Variants in FBXO47 observed in about 807,000 individuals in gnomAD.
FBXO47 encodes F-box protein 47, also known as F-box only protein 47.
FBXO47 carries 34 observed loss-of-function variants against 53.9 expected under a neutral mutation model. The observed-to-expected ratio is 0.63, with a 90% CI of 0.48 to 0.84. The LOEUF is 0.84. FBXO47 is among the 40% of genes least tolerant of loss of function. The probability of loss-of-function intolerance (pLI) is 0.00; values close to 1 mark genes in which losing one functional copy is unlikely to be tolerated. For missense variants in FBXO47, 485 were observed against 541.3 expected, an observed-to-expected ratio of 0.90 and a Z score of 1.03; for synonymous variants, 165 against 181.6, an observed-to-expected ratio of 0.91 and a Z score of 0.73.
chr17:38,939,323 A>AAAAATATAT (rs1555559726), intron 9 of FBXO47, among the ~76,000 whole-genome samples: 6 of 50,166 alleles, frequency 1.2e-4, no homozygotes, highest in Admixed American at 4.4e-4. Context: ...AAAAAAAAAA[A>AAAAATATAT]ATATATATAT....
At chr17:38,958,908 A>G (rs566667761) in intron 3 of FBXO47, among the ~76,000 whole-genome samples, 1 of 152,252 alleles carries the variant, frequency 6.6e-6, no homozygotes, top group South Asian at 2.1e-4. Context: ...TTTTAAGCTG[A>G]GTTCTTTCCC....
chr17:38,937,617 A>G (rs566971493), intron 10 of FBXO47, among the ~76,000 whole-genome samples: 81 of 152,208 alleles, frequency 5.3e-4, no homozygotes, highest in Middle Eastern at 3.4e-3. Context: ...TTATACGTAT[A>G]TAATTTATTT....
intron 5 of FBXO47, among the ~76,000 whole-genome samples, chr17:38,954,025 G>A (rs1171430484): frequency 6.6e-6 from 1 of 152,056 alleles, no homozygotes. Context: ...GGGTGTGGTT[G>A]CTCACGCCTG....
At chr17:38,949,418 TCAAAA>T (rs112640612) in intron 6 of FBXO47, among the ~76,000 whole-genome samples, 10,135 of 151,370 alleles carry the variant, frequency 0.067, 899 homozygotes, top group African/African-American at 0.2. Context: ...AGACCCTGTC[TCAAAA>T]CAAAACAAAA....
intron 9 of FBXO47, among the ~76,000 whole-genome samples, chr17:38,940,802 A>G (rs1406454257): frequency 1.3e-5 from 2 of 151,608 alleles, no homozygotes; most frequent in Non-Finnish European, 2.9e-5. Flanking sequence ...CAGCCTTCTG[A>G]GTAGCAGGGA....
At chr17:38,946,372 A>C (rs1332491914) in intron 6 of FBXO47, among the ~76,000 whole-genome samples, 17 of 89,394 alleles carry the variant, frequency 1.9e-4, no homozygotes, top group Non-Finnish European at 2.3e-4. Flanking sequence ...ATATATAGAT[A>C]TATATATAAA....
At chr17:38,960,965 A>C (rs1158921749) in intron 3 of FBXO47, among the ~76,000 whole-genome samples, 1 of 152,156 alleles carries the variant, frequency 6.6e-6, no homozygotes, top group East Asian at 1.9e-4. Context: ...AGTAGGAAAA[A>C]GTAGTTTCCA....
chr17:38,965,874 A>G (rs1906088380), intron 1 of FBXO47, among the ~76,000 whole-genome samples: 3 of 149,034 alleles, frequency 2.0e-5, no homozygotes, highest in African/African-American at 7.5e-5. Flanking sequence ...CAGAGCAAGA[A>G]TCTGCCTCAA....
At chr17:38,960,510 A>G (rs147801917) in intron 3 of FBXO47, among the ~76,000 whole-genome samples, 359 of 152,266 alleles carry the variant, frequency 2.4e-3, no homozygotes, top group African/African-American at 8.0e-3. Context: ...TAGTTTAAGC[A>G]ATTGAGACTT....
At chr17:38,953,880 T>G (rs907031401) in intron 5 of FBXO47, among the ~76,000 whole-genome samples, 1 of 152,190 alleles carries the variant, frequency 6.6e-6, no homozygotes, top group African/African-American at 2.4e-5. Flanking sequence ...AGAAGACTAG[T>G]AGGAGGGCTT....
At chr17:38,946,422 CTATATAAAT>C (rs1904850223) in intron 6 of FBXO47, among the ~76,000 whole-genome samples, 1 of 32,952 alleles carries the variant, frequency 3.0e-5, no homozygotes. Context: ...ATATATATAA[CTATATAAAT>C]ATATATGAAT....
intron 9 of FBXO47, among the ~76,000 whole-genome samples, chr17:38,942,187 G>T (rs1904540392): frequency 2.0e-5 from 3 of 151,696 alleles, no homozygotes. Context: ...TTTTTAACAT[G>T]GAATTTTTTT....
chr17:38,946,244 A>G (rs1180000559), intron 6 of FBXO47, among the ~76,000 whole-genome samples: 3 of 110,284 alleles, frequency 2.7e-5, no homozygotes, highest in Non-Finnish European at 4.9e-5. Flanking sequence ...ACAAATATAT[A>G]TAAATATAAA....
At position 38,938,443 on chromosome 17, in the gene FBXO47, A is replaced by G. The variant is rs117248948; in HGVS notation, c.1243+130T>C. ...TACTTATTGTTAGTTTTTATTTTTT[A>G]AAGTCAACATAGAAATAGCTTTTTT... On this transcript the variant is annotated intron_variant, in intron 10 of 10. Coordinates refer to ENST00000378079, the MANE Select transcript of FBXO47 (RefSeq NM_001008777.3). 6.5e-3 allele frequency: 4,213 copies of G among 647,760 alleles called. 161 individuals carry two copies. In the East Asian group the frequency reaches 0.082, roughly 13 times the overall value. The allele number at this position is 647,760 out of a possible 1,614,324, so 40.1% of individuals were successfully genotyped here. A position where few individuals can be genotyped will look rare whatever the true frequency, so the allele number is the denominator to read the frequency against.
Position 38,951,653 on chromosome 17 carries a change from G to C in FBXO47, c.544C>G (p.Arg182Gly), listed in dbSNP as rs759147995. 10 of 1,613,776 alleles carry C rather than the reference G, an allele frequency of 6.2e-6. No individual in the cohort carries two copies. Among genetic ancestry groups the C allele is most frequent in the Middle Eastern group, 3.3e-4 (2 of 6,082 alleles). ...TAGWDELECHRVYNFLCELTN... is the reference protein window; with the variant it reads ...TAGWDELECHGVYNFLCELTN... ...AGTTCGCATAAGAAATTATAAACGC[G>C]ATGGCACTCAAGTTCATCCCAACCT... is the stretch of plus-strand genomic sequence containing the variant. The change falls in exon 6 of 11, where the codon CGC becomes GGC. Residue 182 changes from arginine (R) to glycine (G), a missense_variant. By Grantham distance (125) the Arg-to-Gly change is moderately radical. Transcript: ENST00000378079.
chr17:38,945,080 C>G lies in FBXO47; in HGVS notation c.673G>C (p.Asp225His). ...IRLFCRNVLLDHWTHRSDSAF... is the reference protein window; with the variant it reads ...IRLFCRNVLLHHWTHRSDSAF... ...GAATCACTTCGATGTGTCCAATGAT[C>G]AAGGAGGACATTCCTACAGAAGAGT... The change falls in exon 7 of 11, where the codon GAT (aspartate) becomes CAT (histidine). Residue 225 changes from aspartate to histidine, a missense_variant. By Grantham distance (81) the Asp-to-His change is moderately conservative. Transcript: ENST00000378079. 1 of 1,613,802 alleles carries G rather than the reference C, an allele frequency of 6.2e-7. No individual in the cohort carries two copies. Among genetic ancestry groups the G allele is most frequent in the Non-Finnish European group, 8.5e-7 (1 of 1,179,806 alleles).
At chr17:38,944,457 C>T (rs1430856453) in intron 7 of FBXO47, among the ~76,000 whole-genome samples, 2 of 151,498 alleles carry the variant, frequency 1.3e-5, no homozygotes, top group Non-Finnish European at 2.9e-5. Context: ...AATCCCAGCA[C>T]TTTGGAAGGC....
intron 4 of FBXO47, among the ~76,000 whole-genome samples, chr17:38,956,124 A>C (rs2143949467): frequency 6.6e-6 from 1 of 150,656 alleles, no homozygotes; most frequent in East Asian, 2.0e-4. Flanking sequence ...GGACAGAGTG[A>C]GACTCCATCT....
In FBXO47 at chr17:38,963,006, G is replaced by T. The variant is rs1201571018; in HGVS notation, c.20C>A (p.Thr7Lys). Residue 7 changes from threonine (T) to lysine (K), a missense_variant, in exon 2 of 11, where the codon ACA (threonine) becomes AAA (lysine). Physicochemically the swap from Thr to Lys is moderately conservative, Grantham distance 78. Transcript: ENST00000378079. MASRIN[T>K]NFTLIPNQKL... ...CTGGTTGGGAATCAAAGTGAAATTT[G>T]TATTTATTCTGGATGCCATTCTTCT... The T allele has an allele frequency of 6.2e-7, 1 of 1,611,756 alleles. No homozygotes were observed. The highest frequency in any genetic ancestry group is 1.7e-5 in the Admixed American group (1 of 59,830).
Sources: allele counts gnomAD v4.1 joint callset (sites outside exome capture counted in the v4.1 genomes callset), GRCh38; gene constraint gnomAD v4.1.1; transcripts MANE v1.5; gene names NCBI Gene and HGNC (gene_info 2026-07-23, HGNC 2026-07-21).